The following SMCO4 variants were observed in gnomAD, a reference collection of about 807,000 sequenced individuals.
SMCO4 encodes the protein single-pass membrane and coiled-coil domain-containing protein 4.
Under a neutral mutation model 3.6 loss-of-function variants are expected in SMCO4, and 4 were observed. The ratio of observed to expected loss-of-function variants is 1.11; its 90% CI spans 0.54 to 2.53. The LOEUF (loss-of-function observed/expected upper bound fraction) is 2.53. Among genes scored for constraint, SMCO4 ranks in the 30% most tolerant of loss-of-function variants. The pLI, the probability that SMCO4 is intolerant of heterozygous loss-of-function variation, is 0.02. For synonymous variants in SMCO4, 36 were observed against 35.3 expected, an observed-to-expected ratio of 1.02 and a Z score of -0.07; for missense variants, 70 against 80.8, an observed-to-expected ratio of 0.87 and a Z score of 0.51.
chr11:93,485,258 C>G (rs1948635222), intron 2 of SMCO4, among the ~76,000 whole-genome samples: 1 of 152,170 alleles, frequency 6.6e-6, no homozygotes, highest in African/African-American at 2.4e-5. Context: ...ATAGGCTCAG[C>G]CCACAAGGCT....
chr11:93,482,406 G>C (rs1469070457), intron 2 of SMCO4, among the ~76,000 whole-genome samples: 1 of 152,196 alleles, frequency 6.6e-6, no homozygotes, highest in African/African-American at 2.4e-5. Flanking sequence ...TAATATCAAG[G>C]AGGCAATTGG....
intron 1 of SMCO4, among the ~76,000 whole-genome samples, chr11:93,541,001 G>T (rs1004819510): frequency 6.6e-6 from 1 of 152,212 alleles, no homozygotes; most frequent in Non-Finnish European, 1.5e-5. Flanking sequence ...TGACAAAAAA[G>T]GATTACTGAA....
Position 93,490,830 on chromosome 11 carries a change from C to T in SMCO4, c.-81+8446G>A, listed in dbSNP as rs980226813. ...ACTGAACTGCCTTTGGGGCAGGGAA[C>T]GCTCTATCTCCCGGAGAAACCAAGC... On this transcript the variant is annotated intron_variant, in intron 2 of 2. Coordinates refer to ENST00000298966, the MANE Select transcript of SMCO4 (RefSeq NM_020179.3). 4.6e-5 allele frequency among the ~76,000 whole-genome samples: 7 copies of T among 152,322 alleles called. No homozygotes were observed. In the East Asian group the frequency reaches 9.6e-4, roughly 21 times the overall value.
chr11:93,495,462 AG>A (rs1948763107), intron 2 of SMCO4, among the ~76,000 whole-genome samples: 1 of 152,184 alleles, frequency 6.6e-6, no homozygotes, highest in South Asian at 2.1e-4. Context: ...CGACACACAC[AG>A]GAGTAAAGCT....
chr11:93,531,634 C>G (rs7948451), intron 1 of SMCO4, among the ~76,000 whole-genome samples: 1 of 152,178 alleles, frequency 6.6e-6, no homozygotes, highest in Admixed American at 6.5e-5. Context: ...AATGTGCAGA[C>G]AGGTAACACT....
At chr11:93,549,023 C>T in the SMCO4 span, among the ~76,000 whole-genome samples, 3 of 152,184 alleles carry the variant, frequency 2.0e-5, no homozygotes, top group African/African-American at 7.2e-5. Flanking sequence ...TTTACTTGGT[C>T]GTAGAAAGTT....
At position 93,534,365 on chromosome 11, in the gene SMCO4, T is replaced by TAGAG. The variant is rs1344809846; in HGVS notation, c.-154+8910_-154+8911insCTCT. Among the ~76,000 whole-genome samples, 35 of 95,794 alleles carry TAGAG rather than the reference T, an allele frequency of 3.7e-4. No homozygotes were observed. In the East Asian group the frequency reaches 3.8e-3, roughly 10 times the overall value. 62.8% of individuals were successfully genotyped at this position (95,794 alleles called of 152,430 possible). A position where few individuals can be genotyped will look rare whatever the true frequency, so the allele number is the denominator to read the frequency against. ...ACATATATATACACATACATATATA[T>TAGAG]ATATATATATAGAGAGAGAGAGAGA... is the stretch of plus-strand genomic sequence containing the variant. On this transcript the variant is annotated intron_variant, in intron 1 of 2. Coordinates refer to ENST00000298966, the MANE Select transcript of SMCO4 (RefSeq NM_020179.3).
chr11:93,514,419 T>TATATATATATATATATATAA (rs1555077574), intron 1 of SMCO4, among the ~76,000 whole-genome samples: 1 of 42,534 alleles, frequency 2.4e-5, no homozygotes, highest in African/African-American at 7.3e-5. Context: ...TATATATATA[T>TATATATATATATATATATAA]ATAAAATTTG....
intron 2 of SMCO4, among the ~76,000 whole-genome samples, chr11:93,495,503 G>C (rs544134317): frequency 2.0e-5 from 3 of 152,228 alleles, no homozygotes; most frequent in African/African-American, 4.8e-5. Flanking sequence ...TCGGCTTCAA[G>C]ATAGGAAAAA....
At chr11:93,522,481 A>G (rs2305660) in intron 1 of SMCO4, among the ~76,000 whole-genome samples, 18,714 of 152,234 alleles carry the variant, frequency 0.12, 1,435 homozygotes, top group Non-Finnish European at 0.17. Context: ...GTGGTAGCCA[A>G]TTCCACCCCT....
At chr11:93,537,141 C>T (rs1192366112) in intron 1 of SMCO4, among the ~76,000 whole-genome samples, 2 of 152,252 alleles carry the variant, frequency 1.3e-5, no homozygotes, top group Admixed American at 1.3e-4. Flanking sequence ...GAGAGAATTC[C>T]CTTTCCCACG....
At chr11:93,514,413 T>TATATATACAC (rs1555077563) in intron 1 of SMCO4, among the ~76,000 whole-genome samples, 1,980 of 33,562 alleles carry the variant, frequency 0.059, 195 homozygotes, top group Non-Finnish European at 0.09. Flanking sequence ...TATATATATA[T>TATATATACAC]ATATATATAA....
chr11:93,527,635 T>A (rs1032403827), intron 1 of SMCO4, among the ~76,000 whole-genome samples: 25 of 152,108 alleles, frequency 1.6e-4, no homozygotes, highest in South Asian at 1.5e-3. Context: ...TTTTTAAAAA[T>A]TTTTTTGTAG....
chr11:93,499,478 GGGATAGACACTTGTCACC>G (rs1948813449), intron 1 of SMCO4, 130 bp from the exon 2 acceptor site: 1 of 152,180 alleles, frequency 6.6e-6, no homozygotes, highest in Non-Finnish European at 1.5e-5. Context: ...AACTGGCTTA[GGGATAGACACTTGTCACC>G]GCCCTGCTCC....
intron 1 of SMCO4, among the ~76,000 whole-genome samples, chr11:93,516,326 T>C (rs929466495): frequency 6.6e-6 from 1 of 152,080 alleles, no homozygotes; most frequent in Non-Finnish European, 1.5e-5. Context: ...CCTGTAAACA[T>C]AACTGCTAAG....
At chr11:93,494,055 C>T (rs1202421780) in intron 2 of SMCO4, among the ~76,000 whole-genome samples, 1 of 152,150 alleles carries the variant, frequency 6.6e-6, no homozygotes, top group Non-Finnish European at 1.5e-5. Flanking sequence ...CACCTTACTG[C>T]TTTGTCAAGC....
chr11:93,505,680 T>C (rs750253022), intron 1 of SMCO4, among the ~76,000 whole-genome samples: 6 of 152,202 alleles, frequency 3.9e-5, no homozygotes, highest in Non-Finnish European at 5.9e-5. Flanking sequence ...CAACAAAGGA[T>C]CTTGAAAATC....
chr11:93,547,219 C>T (rs1361085214), upstream of SMCO4, among the ~76,000 whole-genome samples: 2 of 152,176 alleles, frequency 1.3e-5, no homozygotes, highest in African/African-American at 2.4e-5. Flanking sequence ...TTTTGCATCA[C>T]TCCACTCAAG....
chr11:93,514,930 T>A (rs1948995823), intron 1 of SMCO4, among the ~76,000 whole-genome samples: 1 of 152,102 alleles, frequency 6.6e-6, no homozygotes, highest in Non-Finnish European at 1.5e-5. Context: ...AGAGACAACA[T>A]AGTTAGATAA....
Sources: allele counts gnomAD v4.1 joint callset (sites outside exome capture counted in the v4.1 genomes callset), GRCh38; gene constraint gnomAD v4.1.1; transcripts MANE v1.5; gene names NCBI Gene and HGNC (gene_info 2026-07-23, HGNC 2026-07-21).